Variants in RALGPS1 observed in about 807,000 individuals in gnomAD.
RALGPS1 encodes ras-specific guanine nucleotide-releasing factor RalGPS1.
In RALGPS1, 19 loss-of-function variants were observed where a neutral mutation model predicts 78.8. That is an observed-to-expected ratio of 0.24 (90% confidence interval 0.17 to 0.35). The LOEUF (loss-of-function observed/expected upper bound fraction) is 0.35, where lower values mean the gene tolerates loss of function less well. RALGPS1 is among the 10% of genes least tolerant of loss of function. The pLI, the probability that RALGPS1 is intolerant of heterozygous loss-of-function variation, is 1.00. For missense variants in RALGPS1, 454 were observed against 688.3 expected (o/e 0.66, Z 3.81); for synonymous variants, 228 against 256.3 (o/e 0.89, Z 1.06).
chr9:127,030,485 T>C (rs1048431299), intron 4 of RALGPS1, among the ~76,000 whole-genome samples: 2 of 151,980 alleles, frequency 1.3e-5, no homozygotes, highest in Non-Finnish European at 2.9e-5. Flanking sequence ...GGGCGCTAAT[T>C]TCCTAGTTGG....
chr9:127,052,382 A>G (rs748446898), intron 6 of RALGPS1, among the ~76,000 whole-genome samples: 3 of 152,218 alleles, frequency 2.0e-5, no homozygotes, highest in Non-Finnish European at 4.4e-5. Flanking sequence ...TCAAAGGAAC[A>G]TGGTCAAGTG....
chr9:126,933,858 CTT>C (rs773706107), intron 1 of RALGPS1, among the ~76,000 whole-genome samples: 5 of 152,150 alleles, frequency 3.3e-5, no homozygotes, highest in Non-Finnish European at 5.9e-5. Flanking sequence ...CCTTTATACT[CTT>C]TTTCACACAG....
intron 11 of RALGPS1, among the ~76,000 whole-genome samples, chr9:127,192,792 G>C (rs901664294): frequency 6.6e-6 from 1 of 152,238 alleles, no homozygotes; most frequent in Non-Finnish European, 1.5e-5. Context: ...AGGAAGAGAA[G>C]GATCTCACGG....
chr9:127,162,564 C>A (rs966577885), intron 8 of RALGPS1, among the ~76,000 whole-genome samples: 2 of 152,176 alleles, frequency 1.3e-5, no homozygotes, highest in Non-Finnish European at 2.9e-5. Flanking sequence ...GGTCTCCCCA[C>A]ATCACTGGAG....
intron 1 of RALGPS1, among the ~76,000 whole-genome samples, chr9:126,938,301 C>T (rs2036448289): frequency 1.3e-5 from 2 of 152,212 alleles, no homozygotes; most frequent in East Asian, 1.9e-4. Flanking sequence ...GGAGCTCTGT[C>T]TAATCTCCCT....
chr9:126,978,982 G>A (rs2040954671), intron 4 of RALGPS1, among the ~76,000 whole-genome samples: 1 of 152,198 alleles, frequency 6.6e-6, no homozygotes, highest in South Asian at 2.1e-4. Flanking sequence ...AGACCTCAGA[G>A]GAGAGGAGTG....
At chr9:127,084,184 C>T (rs2051451792) in intron 8 of RALGPS1, among the ~76,000 whole-genome samples, 1 of 152,180 alleles carries the variant, frequency 6.6e-6, no homozygotes, top group African/African-American at 2.4e-5. Flanking sequence ...ACCTCGACCT[C>T]CCAAAGTTCT....
At chr9:127,020,985 C>A (rs76932482) in intron 4 of RALGPS1, among the ~76,000 whole-genome samples, 2,076 of 152,248 alleles carry the variant, frequency 0.014, 59 homozygotes, top group African/African-American at 0.047. Context: ...TGACATTGTG[C>A]CTGACACTTA....
rs61549879 is a variant in RALGPS1, at chr9:127,024,036, CAAAAA to C, written c.217-10380_217-10376del. 7.0e-5 allele frequency among the ~76,000 whole-genome samples: 5 copies of C among 71,666 alleles called. 1 individual carries two copies. The highest frequency in any genetic ancestry group is 9.9e-4 in the East Asian group (2 of 2,026). 47.0% of individuals were successfully genotyped at this position (71,666 alleles called of 152,430 possible). Reference sequence around the variant, plus strand: ...TGGGTGACAGAGTAAGACTCTGTCTCAAAAAAAAAAAAAAAAAAAGGACAGAAGCA... The same window carrying C: ...TGGGTGACAGAGTAAGACTCTGTCTCAAAAAAAAAAAAAAGGACAGAAGCA... On this transcript the variant is annotated intron_variant, in intron 4 of 18. Coordinates refer to ENST00000259351, the MANE Select transcript of RALGPS1 (RefSeq NM_014636.3).
intron 8 of RALGPS1, among the ~76,000 whole-genome samples, chr9:127,102,176 A>G (rs1321744264): frequency 2.0e-5 from 3 of 152,190 alleles, no homozygotes. Context: ...TACTTTTACA[A>G]GACTGAACAT....
chr9:127,174,627 G>A, intron 10 of RALGPS1, 88 bp from the exon 11 acceptor site: 1 of 1,185,250 alleles, frequency 8.4e-7, no homozygotes, highest in Non-Finnish European at 1.3e-6. Context: ...CCTGGCTTCT[G>A]TGACTATAGT....
intron 5 of RALGPS1, among the ~76,000 whole-genome samples, chr9:127,041,863 G>A (rs2047349433): frequency 6.6e-6 from 1 of 152,174 alleles, no homozygotes; most frequent in Non-Finnish European, 1.5e-5. Flanking sequence ...AAACGGGGAG[G>A]CAGTTGGCCT....
intron 5 of RALGPS1, among the ~76,000 whole-genome samples, chr9:127,049,527 C>G (rs2048115424): frequency 6.6e-6 from 1 of 152,142 alleles, no homozygotes; most frequent in South Asian, 2.1e-4. Flanking sequence ...GGGCCTCTCC[C>G]AAAAAATTAA....
intron 8 of RALGPS1, among the ~76,000 whole-genome samples, chr9:127,125,649 C>T (rs751466539): frequency 3.1e-4 from 47 of 152,212 alleles, no homozygotes; most frequent in Non-Finnish European, 1.2e-4. Context: ...TCCTCTCCAG[C>T]ATGCTTCTAA....
chr9:126,967,862 A>G (rs1309219267), intron 3 of RALGPS1, among the ~76,000 whole-genome samples: 2 of 152,182 alleles, frequency 1.3e-5, no homozygotes, highest in Non-Finnish European at 1.5e-5. Context: ...TTTAAATTGC[A>G]TATCTCTTCC....
At chr9:126,929,984 C>G (rs1338009695) in intron 1 of RALGPS1, among the ~76,000 whole-genome samples, 1 of 151,962 alleles carries the variant, frequency 6.6e-6, no homozygotes, top group Non-Finnish European at 1.5e-5. Flanking sequence ...AGGTGTGCGC[C>G]ACCACTCCTG....
intron 5 of RALGPS1, among the ~76,000 whole-genome samples, chr9:127,045,973 A>T (rs765333178): frequency 1.4e-4 from 21 of 152,202 alleles, no homozygotes; most frequent in African/African-American, 5.1e-4. Context: ...AATATAAAAG[A>T]TGAGCCTGTT....
chr9:127,058,161 G>A (rs1387022017), intron 7 of RALGPS1, among the ~76,000 whole-genome samples: 3 of 152,206 alleles, frequency 2.0e-5, no homozygotes, highest in African/African-American at 7.2e-5. Context: ...TGTGAGCAAG[G>A]AACTCAGAGG....
intron 1 of RALGPS1, among the ~76,000 whole-genome samples, chr9:126,951,174 C>T (rs2131741651): frequency 6.6e-6 from 1 of 151,240 alleles, no homozygotes; most frequent in Admixed American, 6.6e-5. Context: ...TGGCAATAAT[C>T]AATAGCTTAC....
Sources: gnomAD v4.1 joint callset for allele counts (sites outside exome capture counted in the v4.1 genomes callset) on GRCh38, gnomAD v4.1.1 for gene constraint, MANE v1.5 for transcripts, NCBI Gene and HGNC (gene_info 2026-07-23, HGNC 2026-07-21) for gene names.